Variants in GRIN2B observed in about 807,000 individuals in gnomAD.
GRIN2B encodes the protein glutamate ionotropic receptor NMDA type subunit 2B.
GRIN2B carries 5 observed loss-of-function variants against 114.5 expected under a neutral mutation model. That is an observed-to-expected ratio of 0.04 (90% CI 0.02 to 0.09). The LOEUF (loss-of-function observed/expected upper bound fraction) is 0.09, where lower values mean the gene tolerates loss of function less well. Among genes scored for constraint, GRIN2B ranks in the 10% least tolerant of loss-of-function variants. The pLI is 1.00. For missense variants in GRIN2B, 1,108 were observed against 1,943.5 expected (o/e 0.57, Z 8.08); for synonymous variants, 787 against 745.1 (o/e 1.06, Z -0.92).
chr12:13,852,722 A>C (rs1393480451), intron 3 of GRIN2B, among the ~76,000 whole-genome samples: 1 of 151,536 alleles, frequency 6.6e-6, no homozygotes, highest in Non-Finnish European at 1.5e-5. Context: ...AGATCACAGA[A>C]ATCACACGTG....
At chr12:13,903,337 T>C (rs942596182) in intron 2 of GRIN2B, among the ~76,000 whole-genome samples, 1 of 152,146 alleles carries the variant, frequency 6.6e-6, no homozygotes, top group African/African-American at 2.4e-5. Context: ...TTTCAGTCTT[T>C]CTTTTTTAAA....
chr12:13,859,244 C>T (rs986952672), intron 3 of GRIN2B, among the ~76,000 whole-genome samples: 10 of 152,156 alleles, frequency 6.6e-5, no homozygotes, highest in African/African-American at 2.4e-4. Flanking sequence ...TGTGCTGGTA[C>T]CTTCTTTTAG....
chr12:13,688,109 G>A (rs1039996114), intron 4 of GRIN2B, among the ~76,000 whole-genome samples: 1 of 152,148 alleles, frequency 6.6e-6, no homozygotes, highest in Non-Finnish European at 1.5e-5. Context: ...ACTGGGAGTT[G>A]AATCCATCCA....
intron 3 of GRIN2B, among the ~76,000 whole-genome samples, chr12:13,855,944 A>C (rs576094548): frequency 1.3e-5 from 2 of 152,318 alleles, no homozygotes; most frequent in Admixed American, 6.5e-5. Context: ...TAGGAAGACG[A>C]AATTACTAAA....
At chr12:13,802,477 G>A (rs1864533018) in intron 3 of GRIN2B, among the ~76,000 whole-genome samples, 1 of 152,060 alleles carries the variant, frequency 6.6e-6, no homozygotes, top group South Asian at 2.1e-4. Flanking sequence ...TTATGCTGAA[G>A]AAATAATTTA....
intron 2 of GRIN2B, among the ~76,000 whole-genome samples, chr12:13,901,841 C>T (rs1232477732): frequency 6.6e-6 from 1 of 152,076 alleles, no homozygotes; most frequent in Non-Finnish European, 1.5e-5. Context: ...TTCCTATAGT[C>T]TCTGTATTTT....
At chr12:13,781,934 T>C (rs1864123105) in intron 3 of GRIN2B, among the ~76,000 whole-genome samples, 1 of 152,184 alleles carries the variant, frequency 6.6e-6, no homozygotes, top group African/African-American at 2.4e-5. Context: ...TAGTAAAATA[T>C]AAGCAAATTG....
chr12:13,677,815 C>G (rs1190671013), intron 4 of GRIN2B, among the ~76,000 whole-genome samples: 3 of 152,026 alleles, frequency 2.0e-5, no homozygotes, highest in Non-Finnish European at 4.4e-5. Context: ...AATCCTTCTT[C>G]TACATGAGAG....
chr12:13,935,619 T>G (rs1867112721), intron 2 of GRIN2B, among the ~76,000 whole-genome samples: 1 of 152,222 alleles, frequency 6.6e-6, no homozygotes, highest in Non-Finnish European at 1.5e-5. Flanking sequence ...TATAAAACTG[T>G]GATAAAAAAT....
At chr12:13,787,154 T>C (rs1472294565) in intron 3 of GRIN2B, among the ~76,000 whole-genome samples, 2 of 152,224 alleles carry the variant, frequency 1.3e-5, no homozygotes, top group African/African-American at 4.8e-5. Flanking sequence ...GGATCATGTC[T>C]AACCTAGGCT....
At chr12:13,602,638 C>A (rs1417968033) in intron 10 of GRIN2B, among the ~76,000 whole-genome samples, 1 of 152,130 alleles carries the variant, frequency 6.6e-6, no homozygotes, top group Non-Finnish European at 1.5e-5. Context: ...ATTTACTTGC[C>A]TGCATATTGA....
chr12:13,978,288 T>A (rs1025404295), intron 2 of GRIN2B, among the ~76,000 whole-genome samples: 8 of 152,220 alleles, frequency 5.3e-5, no homozygotes, highest in African/African-American at 1.9e-4. Context: ...TGAGTTCAGG[T>A]GTCTCTAAGG....
At chr12:13,672,905 G>T (rs1179949746) in intron 5 of GRIN2B, among the ~76,000 whole-genome samples, 6 of 152,100 alleles carry the variant, frequency 3.9e-5, no homozygotes, top group Admixed American at 2.6e-4. Context: ...CATAAACTTG[G>T]ATTCTTAATG....
chr12:13,606,757 T>C (rs1413843220), intron 10 of GRIN2B, among the ~76,000 whole-genome samples: 1 of 152,052 alleles, frequency 6.6e-6, no homozygotes, highest in Non-Finnish European at 1.5e-5. Context: ...ACTCAGATTT[T>C]AGTTAGGGTC....
chr12:13,595,640 T>C (rs1032350194), intron 10 of GRIN2B, among the ~76,000 whole-genome samples: 1 of 152,112 alleles, frequency 6.6e-6, no homozygotes, highest in South Asian at 2.1e-4. Flanking sequence ...TCAGCCTTCT[T>C]GCCTCAGCAT....
At chr12:13,607,408 A>AT (rs1949292320) in intron 10 of GRIN2B, among the ~76,000 whole-genome samples, 8 of 56,648 alleles carry the variant, frequency 1.4e-4, no homozygotes, top group African/African-American at 7.8e-4. Context: ...ATAATATATA[A>AT]AATATATAAT....
intron 4 of GRIN2B, among the ~76,000 whole-genome samples, chr12:13,736,588 A>G (rs1021779615): frequency 1.3e-5 from 2 of 152,100 alleles, no homozygotes; most frequent in African/African-American, 4.8e-5. Flanking sequence ...AAAAACGTCT[A>G]TTTACTTTCA....
rs566130295 is a variant in GRIN2B, at chr12:13,847,884, G to A, written c.411+17914C>T. Reference sequence around the variant, plus strand: ...TGGTTAAAACGGTCCATAAATCGTCGGAGTTCACCAATTTATGTGGACTTC... The same window carrying A: ...TGGTTAAAACGGTCCATAAATCGTCAGAGTTCACCAATTTATGTGGACTTC... On this transcript the variant is annotated intron_variant, in intron 3 of 13. Transcript: ENST00000609686. Among the ~76,000 whole-genome samples, 11 of 152,222 alleles carry A rather than the reference G, an allele frequency of 7.2e-5. No homozygotes were observed. The South Asian group carries it at 1.2e-3, about 17-fold the overall frequency.
intron 3 of GRIN2B, among the ~76,000 whole-genome samples, chr12:13,793,145 G>A (rs561855148): frequency 7.3e-4 from 111 of 151,616 alleles, no homozygotes; most frequent in African/African-American, 2.6e-3. Context: ...AGTGGCTCAC[G>A]CCTGTAATCC....
Sources: allele counts gnomAD v4.1 joint callset (sites outside exome capture counted in the v4.1 genomes callset), GRCh38; gene constraint gnomAD v4.1.1; transcripts MANE v1.5; gene names NCBI Gene and HGNC (gene_info 2026-07-23, HGNC 2026-07-21).